The following MUC20 variants were observed in gnomAD, a reference collection of about 807,000 sequenced individuals.
The protein encoded by MUC20 is mucin-20.
A neutral mutation model predicts 23.8 loss-of-function variants in MUC20; 14 were observed. The observed-to-expected ratio is 0.59, with a 90% CI of 0.39 to 0.92. The LOEUF is 0.92. Ranked by LOEUF, MUC20 falls within the 40% of genes least tolerant of loss-of-function variation. MUC20 has a pLI of 0.00. For missense variants in MUC20, 375 were observed against 668.8 expected, an observed-to-expected ratio of 0.56 and a Z score of 4.85; for synonymous variants, 166 against 279.3, an observed-to-expected ratio of 0.59 and a Z score of 4.04.
chr3:195,727,052 T>C (rs1179095555), intron 2 of MUC20, among the ~76,000 whole-genome samples: 1 of 152,284 alleles, frequency 6.6e-6, no homozygotes, highest in Non-Finnish European at 1.5e-5. Flanking sequence ...CCCATGAAAG[T>C]GGGGCCTGCT....
At chr3:195,729,837 G>C in intron 3 of MUC20, 98 bp downstream of exon 3, 1 of 1,146,162 alleles carries the variant, frequency 8.7e-7, no homozygotes, top group Non-Finnish European at 1.2e-6. Flanking sequence ...CAGCTACCGC[G>C]CTTGGAAGGG....
Position 195,729,657 on chromosome 3 carries a change from G to A in MUC20, c.1979G>A (p.Gly660Glu). 1 of 1,582,484 alleles carries A rather than the reference G, an allele frequency of 6.3e-7. No homozygotes were observed. Among genetic ancestry groups the A allele is most frequent in the Admixed American group, 1.8e-5 (1 of 56,060 alleles). Residue 660 changes from glycine to glutamate, a missense_variant, in exon 3 of 4, where the codon GGA becomes GAA. Gly to Glu is a moderately conservative substitution (Grantham distance 98). This residue lies in a region of MUC20 where 343 missense variants were observed against 340.2 expected (regional missense o/e 1.01). Transcript: ENST00000447234. ...PTTDVSAGEN[G>E]GFLLLRLSVA... is the part of the protein sequence containing the mutation. ...TGTTCTCCATTTGCAGGTGAAAATG[G>A]AGGTTTCCTCCTCCTGCGGCTGAGT...
intron 1 of MUC20, among the ~76,000 whole-genome samples, chr3:195,723,165 C>T (rs879542321): frequency 0.028 from 3,549 of 126,838 alleles, no homozygotes; most frequent in Middle Eastern, 0.077. Context: ...CATCTGACCC[C>T]GGAGCCAGTC....
chr3:195,731,375 A>G (rs752075498), intron 3 of MUC20, among the ~76,000 whole-genome samples: 9 of 152,270 alleles, frequency 5.9e-5, no homozygotes, highest in Admixed American at 2.6e-4. Flanking sequence ...AGCAGAGGGA[A>G]GCAAGATATG....
At chr3:195,721,614 T>A (rs1712109461) in intron 1 of MUC20, 1 of 170,184 alleles carries the variant, frequency 5.9e-6, no homozygotes, top group African/African-American at 2.4e-5. Context: ...AGGCAGGGCT[T>A]TTGTGAAAGA....
intron 2 of MUC20, among the ~76,000 whole-genome samples, chr3:195,728,625 C>A (rs1269281623): frequency 6.6e-6 from 1 of 151,994 alleles, no homozygotes; most frequent in Non-Finnish European, 1.5e-5. Context: ...CTTCCTCTAT[C>A]TCAACTGCAA....
chr3:195,721,639 G>T (rs551686625), intron 1 of MUC20: 1 of 162,386 alleles, frequency 6.2e-6, no homozygotes, highest in African/African-American at 2.4e-5. Flanking sequence ...AATGAACCCT[G>T]ACCTGTCGCT....
intron 3 of MUC20, among the ~76,000 whole-genome samples, chr3:195,732,655 C>T (rs1333949883): frequency 2.6e-5 from 4 of 152,266 alleles, no homozygotes; most frequent in African/African-American, 9.6e-5. Context: ...CCACCGCACC[C>T]GGCCGGGAAG....
intron 2 of MUC20, among the ~76,000 whole-genome samples, chr3:195,726,965 C>A (rs1451005139): frequency 6.6e-6 from 1 of 152,288 alleles, no homozygotes; most frequent in African/African-American, 2.4e-5. Context: ...CTGGAAGCTT[C>A]TATTCCAGCC....
rs772257575 is a variant in MUC20 at position 195,725,896 on chromosome 3, AACG to A, written c.1296_1298del (p.Thr433del). Reference sequence around the variant, plus strand: ...ATTGCAGCATCACAGAAATAGAAACAACGACTTCCAGCATCCCTGGGGCCTCAG... The same window carrying A: ...ATTGCAGCATCACAGAAATAGAAACAACTTCCAGCATCCCTGGGGCCTCAG... On this transcript the variant is annotated inframe_deletion, in exon 2 of 4. Coordinates refer to ENST00000447234, the MANE Select transcript of MUC20 (RefSeq NM_001282506.2). The A allele has an allele frequency of 3.1e-6, 5 of 1,611,542 alleles. No homozygotes were observed. The highest frequency in any genetic ancestry group is 4.2e-6 in the Non-Finnish European group (5 of 1,178,492).
rs878996195 is a variant in MUC20, at chr3:195,729,641, T to C, written c.1970-7T>C. On this transcript the variant is annotated splice_region_variant and splice_polypyrimidine_tract_variant and intron_variant, in intron 2 of 3. Transcript: ENST00000447234. ...CTGATTTTCATCTTACTGTTCTCCATTTGCAGGTGAAAATGGAGGTTTCCT... is the reference window on the plus strand; with the variant it reads ...CTGATTTTCATCTTACTGTTCTCCACTTGCAGGTGAAAATGGAGGTTTCCT... 6.4e-7 allele frequency: 1 copy of C among 1,571,340 alleles called. No individual in the cohort carries two copies. The highest frequency in any genetic ancestry group is 8.6e-7 in the Non-Finnish European group (1 of 1,156,782).
In MUC20 at chr3:195,726,131, G is replaced by A. The variant is rs1428268521; in HGVS notation, c.1528G>A (p.Val510Met). The change falls in exon 2 of 4, where the codon GTG becomes ATG. Residue 510 changes from valine to methionine, a missense_variant. Transcript: ENST00000447234. ...LPTNSATERE[V>M]TAPGATTLSG... is the part of the protein sequence containing the mutation. ...CACTAACAGCGCCACAGAAAGAGAA[G>A]TGACAGCACCCGGGGCCACGACCCT... 7 of 1,608,288 alleles carry A rather than the reference G, an allele frequency of 4.4e-6. No individual in the cohort carries two copies. The highest frequency in any genetic ancestry group is 1.3e-5 in the African/African-American group (1 of 74,890).
At chr3:195,731,223 T>G (rs1222388106) in intron 3 of MUC20, among the ~76,000 whole-genome samples, 1 of 152,230 alleles carries the variant, frequency 6.6e-6, no homozygotes, top group Non-Finnish European at 1.5e-5. Flanking sequence ...CCTCTCACAG[T>G]CAATGGGTGC....
At chr3:195,730,147 T>A (rs1164208272) in intron 3 of MUC20, 9 of 171,068 alleles carry the variant, frequency 5.3e-5, no homozygotes. Flanking sequence ...AACCTACAAG[T>A]GTCTCTTCAG....
intron 3 of MUC20, among the ~76,000 whole-genome samples, chr3:195,730,661 A>G (rs564252363): frequency 2.0e-5 from 3 of 152,086 alleles, no homozygotes; most frequent in East Asian, 1.9e-4. Flanking sequence ...CCTCTCCCCA[A>G]ATTTTCATGT....
Position 195,726,347 on chromosome 3 carries a change from A to T in MUC20, c.1744A>T (p.Lys582Ter). ...SSYSPSEAALKNFTPSETPTM... is the reference protein window; with the variant it reads ...SSYSPSEAAL ...CTACAGCCCCTCGGAAGCCGCCCTC[A>T]AGAACTTCACCCCTTCAGAGACACC... The change falls in exon 2 of 4, where the codon AAG becomes TAG. Residue 582 changes from lysine (K) to a stop codon, truncating the protein, a stop_gained. Coordinates refer to ENST00000447234, the MANE Select transcript of MUC20 (RefSeq NM_001282506.2). LOFTEE classifies it high-confidence loss of function. The T allele has an allele frequency of 6.2e-7, 1 of 1,614,076 alleles. No homozygotes were observed. The highest frequency in any genetic ancestry group is 2.2e-5 in the East Asian group (1 of 44,884).
Position 195,733,540 on chromosome 3 carries a change from C to T in MUC20, c.*322C>T, listed in dbSNP as rs569946014. 1.5e-6 allele frequency: 2 copies of T among 1,309,230 alleles called. No individual in the cohort carries two copies. The highest frequency in any genetic ancestry group is 4.2e-5 in the South Asian group (2 of 47,502). 81.1% of individuals were successfully genotyped at this position (1,309,230 alleles called of 1,614,324 possible). A position where few individuals can be genotyped will look rare whatever the true frequency, so the allele number is the denominator to read the frequency against. ...CTTCCATCCTGCATTAAAATTCACT[C>T]AGTGTGGCCCAGAGGCTGTCTATTG... On this transcript the variant is annotated 3_prime_UTR_variant, in exon 4 of 4. Coordinates refer to ENST00000447234, the MANE Select transcript of MUC20 (RefSeq NM_001282506.2).
Position 195,726,215 on chromosome 3 carries a change from G to A in MUC20, c.1612G>A (p.Val538Ile), listed in dbSNP as rs755584993. 8.7e-6 allele frequency: 14 copies of A among 1,613,048 alleles called. No homozygotes were observed. The African/African-American group carries it at 1.2e-4, about 14-fold the overall frequency. The change falls in exon 2 of 4, where the codon GTT becomes ATT. Residue 538 changes from valine (V) to isoleucine (I), a missense_variant. By Grantham distance (29) the Val-to-Ile change is conservative (BLOSUM62 3). Around this residue, in one of 4 missense-constraint regions of MUC20, gnomAD observed 343 missense variants for 340.2 expected, o/e 1.01. Coordinates refer to ENST00000447234, the MANE Select transcript of MUC20 (RefSeq NM_001282506.2). ...NPLEETSALS[V>I]ETPSYVKVSG... ...CCTTGAAGAAACCTCAGCCCTCTCT[G>A]TTGAGACACCAAGTTACGTCAAAGT...
rs754946955 is a variant in MUC20, at chr3:195,725,830, C to T, written c.1227C>T (p.Leu409=). 1,532 of 1,583,960 alleles carry T rather than the reference C, an allele frequency of 9.7e-4. 11 individuals carry two copies. In the South Asian group the frequency reaches 0.016, roughly 16 times the overall value. ...CCCCGGGATCTGACGTCACTCTCCT[C>T]GCTGAAGCCCTGGTGACTGTCACAA... ...SWSPGSDVTL[L]AEALVTVTNI... is the part of the protein sequence containing the mutation. The change falls in exon 2 of 4, where the codon CTC becomes CTT. Residue 409 remains leucine (L), a synonymous_variant. Transcript: ENST00000447234.
Sources: allele counts gnomAD v4.1 joint callset (sites outside exome capture counted in the v4.1 genomes callset), GRCh38; gene constraint gnomAD v4.1.1; regional missense constraint gnomAD v4.1.1; transcripts MANE v1.5; gene names NCBI Gene and HGNC (gene_info 2026-07-23, HGNC 2026-07-21).